ADAMTSL1: variants seen among roughly 807,000 people sequenced by gnomAD.
The protein encoded by ADAMTSL1 is ADAMTS-like protein 1.
Under a neutral mutation model 201.8 loss-of-function variants are expected in ADAMTSL1, and 126 were observed. The observed-to-expected ratio is 0.62, with a 90% CI of 0.54 to 0.72. The LOEUF (loss-of-function observed/expected upper bound fraction) is 0.72, where lower values mean the gene tolerates loss of function less well. ADAMTSL1 is among the 30% of genes least tolerant of loss of function. The pLI, the probability that ADAMTSL1 is intolerant of heterozygous loss-of-function variation, is 0.00. For missense variants in ADAMTSL1, 2,679 were observed against 2,277.8 expected (o/e 1.18, Z -3.59); for synonymous variants, 1,121 against 903.4 (o/e 1.24, Z -4.32).
chr9:17,981,944 C>G (rs1818721794), intron 1 of ADAMTSL1, among the ~76,000 whole-genome samples: 1 of 152,132 alleles, frequency 6.6e-6, no homozygotes, highest in Non-Finnish European at 1.5e-5. Flanking sequence ...TTGACTTCTG[C>G]AAGGTCAAGC....
In ADAMTSL1 at chr9:18,653,026, A is replaced by G. The variant is rs188477856; in HGVS notation, c.835-4613A>G. Among the ~76,000 whole-genome samples the G allele has an allele frequency of 1.4e-4, 21 of 152,328 alleles. No individual in the cohort carries two copies. In the East Asian group the frequency reaches 1.5e-3, roughly 11 times the overall value. On this transcript the variant is annotated intron_variant, in intron 7 of 28. Transcript: ENST00000380548. ...AAGTACTGGTTCATTTTCCTACCCAACTTTTAGAGGTAGTGACTCTGCCAA... is the reference window on the plus strand; with the variant it reads ...AAGTACTGGTTCATTTTCCTACCCAGCTTTTAGAGGTAGTGACTCTGCCAA...
intron 12 of ADAMTSL1, among the ~76,000 whole-genome samples, chr9:18,682,987 G>T (rs182327472): frequency 6.6e-6 from 1 of 152,286 alleles, no homozygotes; most frequent in East Asian, 1.9e-4. Context: ...TAAACAGGGT[G>T]GTTAACCTAG....
At chr9:18,575,622 G>A (rs770257425) in intron 4 of ADAMTSL1, among the ~76,000 whole-genome samples, 1 of 152,188 alleles carries the variant, frequency 6.6e-6, no homozygotes, top group Admixed American at 6.6e-5. Context: ...AATAGATTTA[G>A]AAAGGGGACT....
rs963951511 is a variant in ADAMTSL1, at chr9:18,164,610, T to C, written c.207+629T>C. 4.0e-5 allele frequency among the ~76,000 whole-genome samples: 6 copies of C among 151,776 alleles called. No individual in the cohort carries two copies. The South Asian group carries it at 1.2e-3, about 32-fold the overall frequency. On this transcript the variant is annotated intron_variant, in intron 2 of 29. Coordinates refer to the ADAMTSL1 transcript ENST00000680146. ...GAATTGGACAGACAACTTGTGAAAGTTCTAAATGTGGTTCTGTATAGTGAT... is the reference window on the plus strand; with the variant it reads ...GAATTGGACAGACAACTTGTGAAAGCTCTAAATGTGGTTCTGTATAGTGAT...
At chr9:18,537,128 T>C (rs1255038827) in intron 3 of ADAMTSL1, among the ~76,000 whole-genome samples, 1 of 152,204 alleles carries the variant, frequency 6.6e-6, no homozygotes, top group Non-Finnish European at 1.5e-5. Context: ...TTCTTGGTCC[T>C]GGGGTTCATT....
At chr9:18,127,501 C>G (rs1367979534) in intron 1 of ADAMTSL1, among the ~76,000 whole-genome samples, 2 of 151,690 alleles carry the variant, frequency 1.3e-5, no homozygotes, top group Non-Finnish European at 2.9e-5. Flanking sequence ...CACACACACA[C>G]ACACACACAC....
rs370719011 is a variant in ADAMTSL1, at chr9:18,670,456, G to A, written c.1086-5401G>A. Among the ~76,000 whole-genome samples, 41 of 152,280 alleles carry A rather than the reference G, an allele frequency of 2.7e-4. 1 individual carries two copies. The highest frequency in any genetic ancestry group is 9.6e-4 in the African/African-American group (40 of 41,558). ...ATCAGCCAATCACCCCCGCTTGCCT[G>A]AACAGCCTTCCTAAACTGCCAGACC... is the stretch of plus-strand genomic sequence containing the variant. On this transcript the variant is annotated intron_variant, in intron 9 of 28. Transcript: ENST00000380548.
intron 1 of ADAMTSL1, among the ~76,000 whole-genome samples, chr9:17,972,430 T>A (rs1818246659): frequency 6.6e-6 from 1 of 151,256 alleles, no homozygotes; most frequent in Non-Finnish European, 1.5e-5. Flanking sequence ...TTTTTGTCCT[T>A]GCGATAGTTT....
At chr9:18,679,249 C>T (rs1244685190) in intron 10 of ADAMTSL1, among the ~76,000 whole-genome samples, 3 of 152,136 alleles carry the variant, frequency 2.0e-5, no homozygotes, top group Non-Finnish European at 4.4e-5. Context: ...TGGATCAACC[C>T]AGTGACATTT....
At chr9:18,000,809 C>T (rs1819581187) in intron 1 of ADAMTSL1, among the ~76,000 whole-genome samples, 1 of 152,022 alleles carries the variant, frequency 6.6e-6, no homozygotes, top group Admixed American at 6.6e-5. Flanking sequence ...GCCAGAGCGG[C>T]TCAGGTGAAT....
intron 1 of ADAMTSL1, among the ~76,000 whole-genome samples, chr9:18,071,135 A>T (rs1563982079): frequency 6.6e-6 from 1 of 152,230 alleles, no homozygotes; most frequent in Non-Finnish European, 1.5e-5. Context: ...TTAAGTTTTG[A>T]GATGAGCATT....
chr9:18,305,797 G>A (rs73428965), intron 2 of ADAMTSL1, among the ~76,000 whole-genome samples: 2 of 152,144 alleles, frequency 1.3e-5, no homozygotes, highest in East Asian at 1.9e-4. Flanking sequence ...AGACTTGAAC[G>A]TTCCTGCCTG....
rs1825919314 is a variant in ADAMTSL1 at position 17,912,285 on chromosome 9, A to C, written c.87+5363A>C. 3.5e-4 allele frequency among the ~76,000 whole-genome samples: 23 copies of C among 66,346 alleles called. 10 individuals are homozygous for C. In the South Asian group the frequency reaches 0.023, roughly 66 times the overall value. 43.5% of individuals were successfully genotyped at this position (66,346 alleles called of 152,430 possible). On this transcript the variant is annotated intron_variant, in intron 1 of 29. Coordinates refer to the ADAMTSL1 transcript ENST00000680146. Reference sequence around the variant, plus strand: ...CACTGACTTCCACAAGGGTTGAACTAGTTTACAGTCCCACCAACAGTGTAA... The same window carrying C: ...CACTGACTTCCACAAGGGTTGAACTCGTTTACAGTCCCACCAACAGTGTAA...
At chr9:18,176,741 A>T (rs201985012) in intron 2 of ADAMTSL1, among the ~76,000 whole-genome samples, 1 of 152,324 alleles carries the variant, frequency 6.6e-6, no homozygotes, top group South Asian at 2.1e-4. Flanking sequence ...TAAGTAGTCT[A>T]TACTTTCTAG....
At chr9:17,928,896 G>C (rs778651273) in intron 1 of ADAMTSL1, among the ~76,000 whole-genome samples, 107 of 152,100 alleles carry the variant, frequency 7.0e-4, no homozygotes, top group Non-Finnish European at 1.3e-3. Context: ...TTTTAGAAAG[G>C]GTGCTGAAAG....
chr9:18,802,056 C>T (rs772586299), intron 20 of ADAMTSL1, among the ~76,000 whole-genome samples: 2 of 152,090 alleles, frequency 1.3e-5, no homozygotes, highest in East Asian at 1.9e-4. Context: ...GTGGAAGAAT[C>T]GCTTGATCCC....
At chr9:18,016,251 G>T (rs1015934114) in intron 1 of ADAMTSL1, among the ~76,000 whole-genome samples, 5 of 152,140 alleles carry the variant, frequency 3.3e-5, no homozygotes, top group Admixed American at 3.3e-4. Flanking sequence ...GTGAATACCA[G>T]AGTACCCAGC....
chr9:18,290,452 C>T (rs34263413), intron 2 of ADAMTSL1, among the ~76,000 whole-genome samples: 1 of 151,970 alleles, frequency 6.6e-6, no homozygotes, highest in Non-Finnish European at 1.5e-5. Flanking sequence ...TGGGGTTGAA[C>T]CATCTTGCAA....
intron 6 of ADAMTSL1, among the ~76,000 whole-genome samples, chr9:18,636,725 A>G (rs1161855359): frequency 6.6e-6 from 1 of 152,180 alleles, no homozygotes; most frequent in Non-Finnish European, 1.5e-5. Flanking sequence ...AGACCTGTAA[A>G]TTACAAGAAG....
Sources: gnomAD v4.1 joint callset for allele counts (sites outside exome capture counted in the v4.1 genomes callset) on GRCh38, gnomAD v4.1.1 for gene constraint, MANE v1.5 for transcripts, NCBI Gene and HGNC (gene_info 2026-07-23, HGNC 2026-07-21) for gene names.